TMEM255A: variants seen among roughly 807,000 people sequenced by gnomAD.
TMEM255A encodes transmembrane protein 255A.
TMEM255A carries 14 observed loss-of-function variants against 23.5 expected under a neutral mutation model. The ratio of observed to expected loss-of-function variants is 0.60; its 90% CI spans 0.39 to 0.93. The LOEUF (loss-of-function observed/expected upper bound fraction) is 0.93, where lower values mean the gene tolerates loss of function less well. Ranked by LOEUF, TMEM255A falls within the 40% of genes least tolerant of loss-of-function variation. The probability of loss-of-function intolerance (pLI) is 0.00; values close to 1 mark genes in which losing one functional copy is unlikely to be tolerated. For missense variants in TMEM255A, 233 were observed against 261.7 expected (o/e 0.89, Z 0.76); for synonymous variants, 104 against 100.3 (o/e 1.04, Z -0.22).
chrX:120,264,927 G>A (rs189453968), intron 8 of TMEM255A, among the ~76,000 whole-genome samples: 27 of 106,431 alleles, frequency 2.5e-4, no homozygotes, highest in African/African-American at 9.1e-4. Context: ...GCCCAGGCTG[G>A]AGTGCAATGG....
In TMEM255A at chrX:120,311,371, G is replaced by A; in HGVS notation, c.-62C>T. The A allele has an allele frequency of 1.0e-6, 1 of 968,981 alleles. No homozygotes were observed. The highest frequency in any genetic ancestry group is 1.4e-6 in the Non-Finnish European group (1 of 692,050). The allele number at this position is 968,981 out of a possible 1,213,427, so 79.9% of individuals were successfully genotyped here. On this transcript the variant is annotated 5_prime_UTR_variant, in exon 1 of 9. Transcript: ENST00000371369. Reference sequence around the variant, plus strand: ...GCTTCAAGCGCCCCCGGCTCTGGGCGCCCCGCAGAGCATCCTACTCCGCGG... The same window carrying A: ...GCTTCAAGCGCCCCCGGCTCTGGGCACCCCGCAGAGCATCCTACTCCGCGG...
rs1163619556 is a variant in TMEM255A at position 120,260,630 on chromosome X, G to A, written c.*240C>T. The A allele has an allele frequency of 2.0e-5, 7 of 346,491 alleles. No homozygotes were observed. Among genetic ancestry groups the A allele is most frequent in the Middle Eastern group, 1.5e-3 (2 of 1,343 alleles). The allele number at this position is 346,491 out of a possible 1,213,427, so 28.6% of individuals were successfully genotyped here. ...TGCAAGTCCAAACAAGCTTCTTGCT[G>A]GGCTGGCTCCCCAGTCTTGCTTAGA... On this transcript the variant is annotated 3_prime_UTR_variant, in exon 9 of 9. Coordinates refer to ENST00000371369, the MANE Select transcript of TMEM255A (RefSeq NM_001104544.3).
the TMEM255A span, among the ~76,000 whole-genome samples, chrX:120,251,742 G>T: frequency 8.9e-6 from 1 of 112,249 alleles, no homozygotes; most frequent in African/African-American, 3.2e-5. Flanking sequence ...TTCCACAGTC[G>T]AATCGCATAT....
chrX:120,284,012 T>G (rs1019087841), intron 6 of TMEM255A, among the ~76,000 whole-genome samples: 1 of 111,528 alleles, frequency 9.0e-6, no homozygotes, highest in Non-Finnish European at 1.9e-5. Context: ...CCTTCCCACC[T>G]CTGTCTTCTT....
intron 8 of TMEM255A, among the ~76,000 whole-genome samples, chrX:120,262,281 C>T (rs1556016797): frequency 9.0e-6 from 1 of 111,523 alleles, no homozygotes; most frequent in African/African-American, 3.3e-5. Context: ...CAGAGTGAGA[C>T]TCCGTCTCGA....
chrX:120,296,848 C>T (rs5909696), intron 2 of TMEM255A, among the ~76,000 whole-genome samples: 9 of 9,645 alleles, frequency 9.3e-4, no homozygotes, highest in African/African-American at 6.0e-3. Context: ...TAATATATAT[C>T]ATATATAATA....
chrX:120,274,031 A>T (rs1290654841), intron 7 of TMEM255A, among the ~76,000 whole-genome samples: 2 of 112,445 alleles, frequency 1.8e-5, no homozygotes, highest in African/African-American at 6.5e-5. Context: ...ATAAAAAACT[A>T]AACAAAACGT....
chrX:120,268,498 T>C (rs1603400259), intron 7 of TMEM255A, 111 bp from the exon 8 acceptor site: 3 of 535,736 alleles, frequency 5.6e-6, no homozygotes, highest in South Asian at 1.2e-4. Context: ...TGATAAACAA[T>C]GATGTGGACC....
rs181628283 is a variant in TMEM255A at position 120,260,631 on chromosome X, G to C, written c.*239C>G. 3.1e-3 allele frequency: 1,079 copies of C among 346,462 alleles called. 13 individuals are homozygous for C. Among genetic ancestry groups the C allele is most frequent in the African/African-American group, 0.026 (966 of 36,843 alleles). The allele number at this position is 346,462 out of a possible 1,213,427, so 28.6% of individuals were successfully genotyped here. ...GCAAGTCCAAACAAGCTTCTTGCTGGGCTGGCTCCCCAGTCTTGCTTAGAG... is the reference window on the plus strand; with the variant it reads ...GCAAGTCCAAACAAGCTTCTTGCTGCGCTGGCTCCCCAGTCTTGCTTAGAG... On this transcript the variant is annotated 3_prime_UTR_variant, in exon 9 of 9. Transcript: ENST00000371369.
At chrX:120,285,605 A>C in intron 5 of TMEM255A, 1 of 1,210,199 alleles carries the variant, frequency 8.3e-7, no homozygotes, top group Non-Finnish European at 1.1e-6. Flanking sequence ...CGGCGCATGC[A>C]CTCTGAAGTA....
At chrX:120,310,743 A>G (rs1388051979) in intron 1 of TMEM255A, among the ~76,000 whole-genome samples, 1 of 42,876 alleles carries the variant, frequency 2.3e-5, no homozygotes, top group Non-Finnish European at 3.9e-5. Flanking sequence ...CCCCCCCCCA[A>G]TCAGCGAGGT....
At chrX:120,272,750 T>C (rs2057770374) in intron 7 of TMEM255A, among the ~76,000 whole-genome samples, 1 of 105,269 alleles carries the variant, frequency 9.5e-6, no homozygotes, top group Non-Finnish European at 2.0e-5. Flanking sequence ...ATTTTTTTTT[T>C]TTTTTTTTTG....
chrX:120,262,617 G>T (rs782223668), intron 8 of TMEM255A, among the ~76,000 whole-genome samples: 2 of 111,153 alleles, frequency 1.8e-5, no homozygotes, highest in Non-Finnish European at 3.8e-5. Flanking sequence ...TTTCCATCTT[G>T]CACCCTTCAA....
At chrX:120,291,738 G>A (rs2057916792) in intron 3 of TMEM255A, among the ~76,000 whole-genome samples, 1 of 107,827 alleles carries the variant, frequency 9.3e-6, no homozygotes, top group South Asian at 4.3e-4. Flanking sequence ...CACAGTGAGG[G>A]GAAATGGTGT....
At chrX:120,290,951 G>A (rs1440403095) in intron 4 of TMEM255A, among the ~76,000 whole-genome samples, 1 of 111,225 alleles carries the variant, frequency 9.0e-6, no homozygotes. Context: ...TCTTACCCAC[G>A]TGTCAAAGGC....
chrX:120,281,497 A>G (rs782810689), intron 6 of TMEM255A, among the ~76,000 whole-genome samples: 1 of 112,117 alleles, frequency 8.9e-6, no homozygotes, highest in African/African-American at 3.2e-5. Flanking sequence ...GCCAGCCTCT[A>G]TGTGTCTCTC....
chrX:120,288,977 A>G (rs2057895661), intron 4 of TMEM255A, among the ~76,000 whole-genome samples: 1 of 111,900 alleles, frequency 8.9e-6, no homozygotes, highest in South Asian at 3.7e-4. Flanking sequence ...ACACATAGAG[A>G]AGGGTGAGTG....
chrX:120,302,506 C>T (rs2058039490), intron 2 of TMEM255A, among the ~76,000 whole-genome samples: 1 of 101,761 alleles, frequency 9.8e-6, no homozygotes, highest in South Asian at 4.9e-4. Context: ...CACCCCCCGA[C>T]CCCCCACCGG....
chrX:120,256,131 CA>C (rs2057636520), downstream of TMEM255A: 1 of 122,730 alleles, frequency 8.1e-6, no homozygotes, highest in Non-Finnish European at 1.9e-5. Flanking sequence ...TCTCTGGGGG[CA>C]AAAAACTAAT....
Sources: allele counts gnomAD v4.1 joint callset (sites outside exome capture counted in the v4.1 genomes callset), GRCh38; gene constraint gnomAD v4.1.1; transcripts MANE v1.5; gene names NCBI Gene and HGNC (gene_info 2026-07-23, HGNC 2026-07-21).